TRAK1: variants seen among roughly 807,000 people sequenced by gnomAD.
TRAK1 encodes trafficking kinesin protein 1, also known as trafficking kinesin-binding protein 1.
Under a neutral mutation model 92.1 loss-of-function variants are expected in TRAK1, and 33 were observed. That is an observed-to-expected ratio of 0.36 (90% CI 0.27 to 0.48). The LOEUF is 0.48. Ranked by LOEUF, TRAK1 falls within the 20% of genes least tolerant of loss-of-function variation. TRAK1 has a pLI of 0.99. For missense variants in TRAK1, 1,123 were observed against 1,257.9 expected (o/e 0.89, Z 1.62); for synonymous variants, 521 against 517.3 (o/e 1.01, Z -0.10).
At chr3:42,115,145 C>T (rs1709010430) in intron 1 of TRAK1, among the ~76,000 whole-genome samples, 3 of 152,200 alleles carry the variant, frequency 2.0e-5, no homozygotes, top group Middle Eastern at 3.2e-3. Context: ...AGATTTAACT[C>T]TGGGCTGAAC....
intron 1 of TRAK1, among the ~76,000 whole-genome samples, chr3:42,066,018 C>T (rs553956636): frequency 1.3e-5 from 2 of 152,324 alleles, no homozygotes; most frequent in South Asian, 4.1e-4. Context: ...TCCAACAGAA[C>T]AAACCCCTAT....
chr3:42,203,676 A>G, intron 13 of TRAK1: 1 of 985,342 alleles, frequency 1.0e-6, no homozygotes, highest in Non-Finnish European at 1.2e-6. Flanking sequence ...TGCAAAGCCA[A>G]ATCAGAACTT....
chr3:42,041,821 G>GTC (rs1201066036), intron 1 of TRAK1, among the ~76,000 whole-genome samples: 5 of 149,308 alleles, frequency 3.3e-5, no homozygotes, highest in Non-Finnish European at 5.9e-5. Context: ...TTGAGACGGA[G>GTC]TCTCGCTCTG....
chr3:42,117,967 G>A (rs958356543), intron 1 of TRAK1, among the ~76,000 whole-genome samples: 10 of 151,818 alleles, frequency 6.6e-5, no homozygotes, highest in Admixed American at 3.9e-4. Context: ...TTACAGGCAC[G>A]TGCTGCCACG....
rs60881113 is a variant in TRAK1 at position 42,075,340 on chromosome 3, CAA to C, written c.-518-11739_-518-11738del. Among the ~76,000 whole-genome samples the C allele has an allele frequency of 4.2e-5, 3 of 71,074 alleles. No individual in the cohort carries two copies. In the South Asian group the frequency reaches 1.5e-3, roughly 36 times the overall value. The allele number at this position is 71,074 out of a possible 152,430, so 46.6% of individuals were successfully genotyped here. On this transcript the variant is annotated intron_variant, in intron 1 of 16. Coordinates refer to the TRAK1 transcript ENST00000487159. ...TGGGTGACAGAGTGAGACTCAGTCTCAAAAAAAAAAAAAAAAAAAAAAAAAAG... is the reference window on the plus strand; with the variant it reads ...TGGGTGACAGAGTGAGACTCAGTCTCAAAAAAAAAAAAAAAAAAAAAAAAG...
intron 15 of TRAK1, among the ~76,000 whole-genome samples, chr3:42,222,243 C>G (rs1710431733): frequency 6.6e-6 from 1 of 152,170 alleles, no homozygotes; most frequent in Non-Finnish European, 1.5e-5. Context: ...TGATGTAGAT[C>G]TCTTCATATG....
chr3:42,184,760 A>G lies in TRAK1; in HGVS notation c.439A>G (p.Asn147Asp). The change falls in exon 4 of 16, where the codon AAC (asparagine) becomes GAC (aspartate). Residue 147 changes from asparagine (N) to aspartate (D), a missense_variant. Transcript: ENST00000327628. The stretch of plus-strand genomic sequence containing the variant: ...GAAGAACAAGACCCTAACCGAGAGG[A>G]ACGAGCTGCTGGAGGAGCAGGTGGA... Reference protein sequence around the residue: ...LKKNKTLTERNELLEEQVEHI... With the variant: ...LKKNKTLTERDELLEEQVEHI... The G allele has an allele frequency of 6.2e-7, 1 of 1,614,050 alleles. No individual in the cohort carries two copies. Among genetic ancestry groups the G allele is most frequent in the Non-Finnish European group, 8.5e-7 (1 of 1,180,002 alleles).
At chr3:42,149,751 A>G (rs761797591) in intron 2 of TRAK1, among the ~76,000 whole-genome samples, 5 of 152,112 alleles carry the variant, frequency 3.3e-5, no homozygotes, top group Non-Finnish European at 7.4e-5. Flanking sequence ...TTCCAAAGGC[A>G]TGGTGGAGGA....
chr3:42,072,694 A>C (rs1428353766), intron 1 of TRAK1, among the ~76,000 whole-genome samples: 1 of 152,094 alleles, frequency 6.6e-6, no homozygotes, highest in Non-Finnish European at 1.5e-5. Flanking sequence ...ACATGACAGC[A>C]GTTTTCATTC....
intron 15 of TRAK1, among the ~76,000 whole-genome samples, chr3:42,221,071 CTTTTTTTTT>C (rs369421571): frequency 1.5e-4 from 13 of 85,396 alleles, no homozygotes; most frequent in East Asian, 7.0e-4. Flanking sequence ...AGAGAAGGCT[CTTTTTTTTT>C]TTTTTTTTTT....
chr3:42,068,146 C>T (rs1576229806), intron 1 of TRAK1, among the ~76,000 whole-genome samples: 1 of 151,166 alleles, frequency 6.6e-6, no homozygotes, highest in African/African-American at 2.4e-5. Flanking sequence ...GGCAAGAGAG[C>T]GAGACTCTGT....
intron 14 of TRAK1, among the ~76,000 whole-genome samples, chr3:42,216,515 A>G (rs1028402423): frequency 2.6e-5 from 4 of 152,194 alleles, no homozygotes; most frequent in African/African-American, 7.2e-5. Context: ...CACTCTTGCA[A>G]AGTCCTCTGA....
chr3:42,120,812 C>T (rs1292386266), intron 1 of TRAK1, among the ~76,000 whole-genome samples: 2 of 152,182 alleles, frequency 1.3e-5, no homozygotes, highest in African/African-American at 4.8e-5. Flanking sequence ...TCCCAAAGTG[C>T]TGGGATTATA....
At chr3:42,211,925 A>G (rs1309584529) in intron 14 of TRAK1, 25 of 985,230 alleles carry the variant, frequency 2.5e-5, no homozygotes, top group Non-Finnish European at 3.0e-5. Context: ...AAAAAGAATT[A>G]CCTAGGTTGC....
At chr3:42,061,043 C>A (rs911966684) in intron 1 of TRAK1, among the ~76,000 whole-genome samples, 1 of 152,046 alleles carries the variant, frequency 6.6e-6, no homozygotes, top group African/African-American at 2.4e-5. Context: ...GCTGAAGGAC[C>A]CTGTGAAAAC....
Position 42,223,831 on chromosome 3 carries a change from T to A in TRAK1, c.*94T>A. Reference sequence around the variant, plus strand: ...TTCCCCCCACAGTGCACTCCCTCCCTCTGCCCTTCTCTGTCCACCCCCTCC... The same window carrying A: ...TTCCCCCCACAGTGCACTCCCTCCCACTGCCCTTCTCTGTCCACCCCCTCC... On this transcript the variant is annotated 3_prime_UTR_variant, in exon 16 of 16. Transcript: ENST00000327628. The surrounding 1 kb of genome is among the most constrained non-coding windows in gnomAD (Gnocchi z 6.1). 7.4e-7 allele frequency: 1 copy of A among 1,343,218 alleles called. No individual in the cohort carries two copies. The highest frequency in any genetic ancestry group is 1.0e-6 in the Non-Finnish European group (1 of 975,700). 83.2% of individuals were successfully genotyped at this position (1,343,218 alleles called of 1,614,324 possible). A position where few individuals can be genotyped will look rare whatever the true frequency, so the allele number is the denominator to read the frequency against.
chr3:42,029,150 A>AT (rs1702022467), intron 1 of TRAK1, among the ~76,000 whole-genome samples: 1 of 152,168 alleles, frequency 6.6e-6, no homozygotes, highest in Admixed American at 6.5e-5. Context: ...GTGTTAAACC[A>AT]TAAGAAACCA....
intron 1 of TRAK1, among the ~76,000 whole-genome samples, chr3:42,037,849 G>A (rs1194154417): frequency 6.6e-6 from 1 of 152,208 alleles, no homozygotes; most frequent in Non-Finnish European, 1.5e-5. Flanking sequence ...GAGTGTTTGT[G>A]TGGATGATAG....
At chr3:42,072,247 T>A (rs922649618) in intron 1 of TRAK1, among the ~76,000 whole-genome samples, 3 of 152,102 alleles carry the variant, frequency 2.0e-5, no homozygotes, top group Non-Finnish European at 2.9e-5. Context: ...CTGGGAGTGC[T>A]GTCTCTCTCG....
Sources: gnomAD v4.1 joint callset for allele counts (sites outside exome capture counted in the v4.1 genomes callset) on GRCh38, gnomAD v4.1.1 for gene constraint, Gnocchi (gnomAD v3.1) non-coding constraint, MANE v1.5 for transcripts, NCBI Gene and HGNC (gene_info 2026-07-23, HGNC 2026-07-21) for gene names.